The following FSTL5 variants were observed in gnomAD, a reference collection of about 807,000 sequenced individuals.
FSTL5 encodes follistatin like 5.
In FSTL5, 62 loss-of-function variants were observed where a neutral mutation model predicts 89.1. The observed-to-expected ratio is 0.70, with a 90% CI of 0.57 to 0.86. FSTL5 has a LOEUF of 0.86. Ranked by LOEUF, FSTL5 falls within the 40% of genes least tolerant of loss-of-function variation. FSTL5 has a pLI of 0.00. For synonymous variants in FSTL5, 383 were observed against 346.2 expected (o/e 1.11, Z -1.18); for missense variants, 1,057 against 1,001.6 (o/e 1.06, Z -0.75).
At chr4:161,615,551 A>C (rs1425832012) in intron 7 of FSTL5, among the ~76,000 whole-genome samples, 1 of 151,924 alleles carries the variant, frequency 6.6e-6, no homozygotes, top group Admixed American at 6.6e-5. Flanking sequence ...ACACACATGC[A>C]TGTACACGCA....
At chr4:162,137,904 A>G (rs17042048) in intron 1 of FSTL5, among the ~76,000 whole-genome samples, 35,306 of 151,946 alleles carry the variant, frequency 0.23, 4,295 homozygotes, top group Non-Finnish European at 0.26. Flanking sequence ...GGAGGATAAA[A>G]AGTACATTTA....
intron 8 of FSTL5, among the ~76,000 whole-genome samples, chr4:161,563,723 A>G (rs1732690475): frequency 1.3e-5 from 2 of 151,966 alleles, no homozygotes; most frequent in African/African-American, 4.8e-5. Context: ...ATTTCTCCCC[A>G]ACAATTTGGC....
chr4:162,121,127 T>C (rs776881892), intron 1 of FSTL5, among the ~76,000 whole-genome samples: 1 of 151,542 alleles, frequency 6.6e-6, no homozygotes. Flanking sequence ...TATTGATATA[T>C]AGATATATAA....
intron 6 of FSTL5, among the ~76,000 whole-genome samples, chr4:161,704,884 G>T (rs2126733147): frequency 6.6e-6 from 1 of 152,014 alleles, no homozygotes; most frequent in African/African-American, 2.4e-5. Flanking sequence ...TCTGTGTTTT[G>T]CTCGCATTAT....
chr4:161,791,698 T>C (rs1729482840), intron 4 of FSTL5, among the ~76,000 whole-genome samples: 1 of 152,188 alleles, frequency 6.6e-6, no homozygotes, highest in South Asian at 2.1e-4. Flanking sequence ...GGTTATTCTT[T>C]GGTGGGAGCA....
chr4:161,674,327 GA>G (rs141386403), intron 6 of FSTL5, among the ~76,000 whole-genome samples: 64 of 151,786 alleles, frequency 4.2e-4, no homozygotes, highest in African/African-American at 1.5e-3. Flanking sequence ...AAATGAGGGG[GA>G]AAAAAAGGGA....
intron 15 of FSTL5, among the ~76,000 whole-genome samples, chr4:161,448,746 T>C (rs1484635786): frequency 1.3e-5 from 2 of 152,128 alleles, no homozygotes; most frequent in Non-Finnish European, 2.9e-5. Context: ...GATAAATCCT[T>C]AGCCCCTTAC....
At chr4:161,696,119 T>C (rs1393710850) in intron 6 of FSTL5, among the ~76,000 whole-genome samples, 7 of 152,256 alleles carry the variant, frequency 4.6e-5, no homozygotes, top group Admixed American at 3.9e-4. Context: ...TTAATTCATC[T>C]TGAGTTGATT....
chr4:161,758,490 T>G (rs1740657210), intron 6 of FSTL5, among the ~76,000 whole-genome samples: 1 of 152,128 alleles, frequency 6.6e-6, no homozygotes, highest in Non-Finnish European at 1.5e-5. Context: ...TTATTGTTTC[T>G]TAGTCCTTTC....
chr4:162,116,276 C>G (rs904868437), intron 1 of FSTL5, among the ~76,000 whole-genome samples: 3 of 152,164 alleles, frequency 2.0e-5, no homozygotes, highest in African/African-American at 7.2e-5. Context: ...TTTATGGGAG[C>G]TGTATGTGAA....
chr4:161,944,381 A>T (rs1233846865), intron 3 of FSTL5, among the ~76,000 whole-genome samples: 1 of 152,090 alleles, frequency 6.6e-6, no homozygotes, highest in African/African-American at 2.4e-5. Context: ...AAAAAAATTT[A>T]AAAGACTAAA....
intron 4 of FSTL5, among the ~76,000 whole-genome samples, chr4:161,817,314 C>T (rs1309598147): frequency 2.0e-5 from 3 of 152,132 alleles, no homozygotes; most frequent in African/African-American, 4.8e-5. Context: ...CATTCAGGGT[C>T]AGTGATGAAG....
At chr4:162,026,304 C>CTTTTTT (rs397996028) in intron 3 of FSTL5, among the ~76,000 whole-genome samples, 2 of 79,480 alleles carry the variant, frequency 2.5e-5, no homozygotes, top group Admixed American at 2.2e-4. Context: ...TATGTATTTT[C>CTTTTTT]TTTTTTTTTT....
chr4:162,093,100 G>T (rs916913102), intron 2 of FSTL5, among the ~76,000 whole-genome samples: 29 of 151,880 alleles, frequency 1.9e-4, no homozygotes, highest in African/African-American at 6.8e-4. Context: ...TACAAGAAAA[G>T]TACAGGACCA....
rs563835166 is a variant in FSTL5 at position 161,765,676 on chromosome 4, G to A, written c.607-6145C>T. Among the ~76,000 whole-genome samples the A allele has an allele frequency of 2.0e-5, 3 of 152,074 alleles. No individual in the cohort carries two copies. In the South Asian group the frequency reaches 6.2e-4, roughly 32 times the overall value. On this transcript the variant is annotated intron_variant, in intron 5 of 15. Coordinates refer to ENST00000306100, the MANE Select transcript of FSTL5 (RefSeq NM_020116.5). ...CACACATGGCAGTCATTGAGCAAAT[G>A]GCATTTTAAGTCAAATACGTATAAC...
chr4:161,804,762 G>A (rs1282609440), intron 4 of FSTL5, among the ~76,000 whole-genome samples: 1 of 151,978 alleles, frequency 6.6e-6, no homozygotes, highest in African/African-American at 2.4e-5. Context: ...GAGAATGTAG[G>A]TAATTACGAA....
chr4:161,536,604 T>G (rs1731626463), intron 10 of FSTL5, among the ~76,000 whole-genome samples: 1 of 152,142 alleles, frequency 6.6e-6, no homozygotes, highest in African/African-American at 2.4e-5. Flanking sequence ...ACATGCATGA[T>G]TATTTTTTAA....
chr4:162,029,674 G>A (rs1051391532), intron 3 of FSTL5, among the ~76,000 whole-genome samples: 7 of 151,976 alleles, frequency 4.6e-5, no homozygotes, highest in Admixed American at 1.3e-4. Context: ...TTAAAGTTAT[G>A]AAGCACTGAA....
intron 8 of FSTL5, among the ~76,000 whole-genome samples, chr4:161,558,454 C>G (rs1407596382): frequency 1.3e-5 from 2 of 151,822 alleles, no homozygotes; most frequent in Non-Finnish European, 2.9e-5. Flanking sequence ...TATTTTTGGT[C>G]TACTTTAAAG....
Sources: allele counts gnomAD v4.1 joint callset (sites outside exome capture counted in the v4.1 genomes callset), GRCh38; gene constraint gnomAD v4.1.1; transcripts MANE v1.5; gene names NCBI Gene and HGNC (gene_info 2026-07-23, HGNC 2026-07-21).